SNRPN: variants seen among roughly 807,000 people sequenced by gnomAD.
The protein encoded by SNRPN is small nuclear ribonucleoprotein polypeptide N, also known as small nuclear ribonucleoprotein-associated protein N.
A neutral mutation model predicts 25.2 loss-of-function variants in SNRPN; 7 were observed. The observed-to-expected ratio is 0.28, with a 90% CI of 0.16 to 0.52. The LOEUF is 0.52. SNRPN is among the 20% of genes least tolerant of loss of function. The pLI is 0.96. For missense variants in SNRPN, 196 were observed against 322.5 expected, an observed-to-expected ratio of 0.61 and a Z score of 3.00; for synonymous variants, 124 against 110.6, an observed-to-expected ratio of 1.12 and a Z score of -0.76.
At chr15:24,941,651 G>C (rs956327817) in intron 3 of SNRPN, among the ~76,000 whole-genome samples, 1 of 152,204 alleles carries the variant, frequency 6.6e-6, no homozygotes, top group African/African-American at 2.4e-5. Context: ...TTGTGAAGCA[G>C]AAGTCCAGTT....
intron 1 of SNRPN, among the ~76,000 whole-genome samples, chr15:24,863,751 T>C (rs2054244096): frequency 6.6e-6 from 1 of 150,834 alleles, no homozygotes; most frequent in African/African-American, 2.5e-5. Context: ...TGCATGTTCA[T>C]AAGCAGGAGT....
intron 2 of SNRPN, chr15:24,848,720 A>G (rs1016707799): frequency 6.6e-6 from 1 of 152,016 alleles, no homozygotes; most frequent in Admixed American, 6.6e-5. Context: ...TCATTTGTGT[A>G]TTGGCCTTAA....
chr15:24,828,380 C>T (rs1304353214), intron 1 of SNRPN, among the ~76,000 whole-genome samples: 1 of 152,036 alleles, frequency 6.6e-6, no homozygotes, highest in African/African-American at 2.4e-5. Context: ...CAAGATCACG[C>T]ATGTGCCCTC....
Position 24,841,029 on chromosome 15 carries a change from C to T in SNRPN, c.-579+11124C>T, listed in dbSNP as rs185584496. 2.0e-4 allele frequency among the ~76,000 whole-genome samples: 31 copies of T among 152,058 alleles called. No individual in the cohort carries two copies. The East Asian group carries it at 4.1e-3, about 20-fold the overall frequency. On this transcript the variant is annotated intron_variant, in intron 2 of 12. Coordinates refer to the SNRPN transcript ENST00000400100. Reference sequence around the variant, plus strand: ...GCTAATTTTTATATTTTAGTAGAGACGGGGTTTCACCATGTTGGCCAGGCT... The same window carrying T: ...GCTAATTTTTATATTTTAGTAGAGATGGGGTTTCACCATGTTGGCCAGGCT...
rs1156634073 is a variant in SNRPN at position 24,909,196 on chromosome 15, G to A, written c.-504-10815G>A. The A allele has an allele frequency of 1.4e-5, 20 of 1,474,336 alleles. No homozygotes were observed. In the Admixed American group the frequency reaches 3.3e-4, roughly 25 times the overall value. The allele number at this position is 1,474,336 out of a possible 1,614,324, so 91.3% of individuals were successfully genotyped here. ...CATTTTCATCTTCTTCCATTAAGTA[G>A]CACATGTAATCGGCAACATTCTGGC... On this transcript the variant is annotated intron_variant, in intron 2 of 11. Transcript: ENST00000400097.
At chr15:24,955,157 A>T (rs1254382997) in intron 1 of SNRPN, 95 bp downstream of exon 1, 14 of 1,534,320 alleles carry the variant, frequency 9.1e-6, no homozygotes, top group Non-Finnish European at 1.2e-5. Flanking sequence ...TGGAGTACTG[A>T]ATAAACGGAA....
At chr15:24,939,461 C>T (rs1325745566) in intron 3 of SNRPN, among the ~76,000 whole-genome samples, 1 of 152,072 alleles carries the variant, frequency 6.6e-6, no homozygotes, top group Admixed American at 6.6e-5. Flanking sequence ...GAGATGGAGT[C>T]TCTTTCTGTT....
chr15:24,960,866 A>C (rs2153462412), intron 1 of SNRPN, among the ~76,000 whole-genome samples: 1 of 152,318 alleles, frequency 6.6e-6, no homozygotes, highest in East Asian at 1.9e-4. Flanking sequence ...AGATAAGTAC[A>C]TGCCTTTGAA....
At chr15:24,931,937 T>C (rs1329390331) in intron 3 of SNRPN, among the ~76,000 whole-genome samples, 1 of 147,760 alleles carries the variant, frequency 6.8e-6, no homozygotes, top group East Asian at 2.0e-4. Flanking sequence ...TAGGGTATGC[T>C]CAGTTGAGTC....
chr15:24,857,150 TA>T (rs1337270934), intron 1 of SNRPN, among the ~76,000 whole-genome samples: 2 of 152,194 alleles, frequency 1.3e-5, no homozygotes, highest in African/African-American at 4.8e-5. Context: ...GTTCTAATTG[TA>T]AAAGGTAGAC....
intron 2 of SNRPN, among the ~76,000 whole-genome samples, chr15:24,891,219 G>C (rs990808398): frequency 6.6e-6 from 1 of 151,942 alleles, no homozygotes; most frequent in Non-Finnish European, 1.5e-5. Flanking sequence ...TTGAGACAAG[G>C]TCTCAAAATG....
upstream of SNRPN, chr15:24,851,891 ACC>A (rs2052880761): frequency 6.6e-6 from 1 of 152,026 alleles, no homozygotes; most frequent in African/African-American, 2.4e-5. Flanking sequence ...GCCCCATCCC[ACC>A]CTGAATGCAG....
rs114344650 is a variant in SNRPN, at chr15:24,960,444, G to A, written c.-390-1670G>A. Reference sequence around the variant, plus strand: ...CAACCTCTGCCTCCTAGGCTCAAGCGCCCTCTCACCTTAGCCTCCTGAGTA... The same window carrying A: ...CAACCTCTGCCTCCTAGGCTCAAGCACCCTCTCACCTTAGCCTCCTGAGTA... On this transcript the variant is annotated intron_variant, in intron 1 of 9. Transcript: ENST00000390687. Among the ~76,000 whole-genome samples the A allele has an allele frequency of 7.7e-3, 1,162 of 151,702 alleles. 8 individuals are homozygous for A. The highest frequency in any genetic ancestry group is 0.026 in the African/African-American group (1,091 of 41,396).
In SNRPN at chr15:24,878,253, G is replaced by GC. The variant is rs2056182536; in HGVS notation, c.-578-8259dup. On this transcript the variant is annotated intron_variant, in intron 1 of 11. Transcript: ENST00000400097. ...CCGTGGCGGGTCTAGGGCTCCTGAA[G>GC]CCCCACGGGTCTCACTGCTACCCAC... is the stretch of plus-strand genomic sequence containing the variant. 2.0e-5 allele frequency among the ~76,000 whole-genome samples: 3 copies of GC among 152,328 alleles called. No individual in the cohort carries two copies. The South Asian group carries it at 6.2e-4, about 32-fold the overall frequency.
At chr15:24,976,675 G>A (rs1396693547) in intron 6 of SNRPN, among the ~76,000 whole-genome samples, 2 of 152,170 alleles carry the variant, frequency 1.3e-5, no homozygotes, top group Admixed American at 6.5e-5. Flanking sequence ...TATAAAAGAG[G>A]TGTTTTCACA....
At chr15:24,966,026 T>C (rs2075578676) in intron 2 of SNRPN, among the ~76,000 whole-genome samples, 1 of 152,122 alleles carries the variant, frequency 6.6e-6, no homozygotes, top group Non-Finnish European at 1.5e-5. Flanking sequence ...AGACTATGAA[T>C]TAGAGTGTGA....
Position 24,975,032 on chromosome 15 carries a change from T to C in SNRPN, c.4-326T>C, listed in dbSNP as rs558347791. ...GCATTAACAGTACAGAGAAAAGCAG[T>C]CTGGAGAGAGAGAACACCCTACATC... is the stretch of plus-strand genomic sequence containing the variant. On this transcript the variant is annotated intron_variant, in intron 4 of 9. Transcript: ENST00000390687. The C allele has an allele frequency of 4.3e-6, 3 of 700,210 alleles. No homozygotes were observed. In the South Asian group the frequency reaches 4.5e-5, roughly 10 times the overall value. The allele number at this position is 700,210 out of a possible 1,614,324, so 43.4% of individuals were successfully genotyped here. A position where few individuals can be genotyped will look rare whatever the true frequency, so the allele number is the denominator to read the frequency against.
intron 1 of SNRPN, among the ~76,000 whole-genome samples, chr15:24,961,590 G>A (rs115048706): frequency 0.018 from 2,703 of 152,206 alleles, 75 homozygotes; most frequent in African/African-American, 0.062. Flanking sequence ...ATAGTTTTTA[G>A]CTTGAGCAGC....
intron 2 of SNRPN, among the ~76,000 whole-genome samples, chr15:24,836,914 A>G (rs1203016022): frequency 2.0e-5 from 3 of 152,072 alleles, no homozygotes; most frequent in Admixed American, 2.0e-4. Context: ...TCCAAGTTTG[A>G]TATTCCTTCC....
Sources: allele counts gnomAD v4.1 joint callset (sites outside exome capture counted in the v4.1 genomes callset), GRCh38; gene constraint gnomAD v4.1.1; transcripts MANE v1.5; gene names NCBI Gene and HGNC (gene_info 2026-07-23, HGNC 2026-07-21).